Variants in RP1 observed in about 807,000 individuals in gnomAD.
RP1 encodes oxygen-regulated protein 1.
RP1 carries 16 observed loss-of-function variants against 14.8 expected under a neutral mutation model. The observed-to-expected ratio is 1.08, with a 90% CI of 0.73 to 1.65. The LOEUF (loss-of-function observed/expected upper bound fraction) is 1.65, where lower values mean the gene tolerates loss of function less well. Among genes scored for constraint, RP1 ranks in the 40% most tolerant of loss-of-function variants. The pLI, the probability that RP1 is intolerant of heterozygous loss-of-function variation, is 0.00. For synonymous variants in RP1, 876 were observed against 883.6 expected, an observed-to-expected ratio of 0.99 and a Z score of 0.15; for missense variants, 2,631 against 2,535.0, an observed-to-expected ratio of 1.04 and a Z score of -0.81.
intron 1 of RP1, among the ~76,000 whole-genome samples, chr8:54,583,713 C>G (rs1051658526): frequency 3.3e-5 from 5 of 152,166 alleles, no homozygotes; most frequent in Non-Finnish European, 7.3e-5. Flanking sequence ...TCAACTTCTT[C>G]CTGGTTTAGT....
chr8:54,856,918 T>C (rs1368854169), intron 26 of RP1: 2 of 351,984 alleles, frequency 5.7e-6, no homozygotes, highest in Non-Finnish European at 1.0e-5. Flanking sequence ...ATAGTAGTAG[T>C]AAGAATACTA....
intron 24 of RP1, among the ~76,000 whole-genome samples, chr8:54,787,556 G>A (rs1401275070): frequency 1.3e-5 from 2 of 151,998 alleles, no homozygotes; most frequent in Non-Finnish European, 2.9e-5. Context: ...TTATAAACCT[G>A]CCCAGAAATT....
In RP1 at chr8:54,624,805, A is replaced by G. The variant is rs1805981981; in HGVS notation, c.923A>G (p.Gln308Arg). Reference protein sequence around the residue: ...KYLALEKNDSQNLPIYPSEDD... With the variant: ...KYLALEKNDSRNLPIYPSEDD... ...TTGGCCTTAGAAAAGAATGATTCTCAGAATTTACCAATATATCCTTCTGAA... is the reference window on the plus strand; with the variant it reads ...TTGGCCTTAGAAAAGAATGATTCTCGGAATTTACCAATATATCCTTCTGAA... The change falls in exon 4 of 4, where the codon CAG becomes CGG. Residue 308 changes from glutamine (Q) to arginine (R), a missense_variant. Physicochemically the swap from Gln to Arg is conservative, Grantham distance 43. Coordinates refer to ENST00000220676, the MANE Select transcript of RP1 (RefSeq NM_006269.2). 1.2e-6 allele frequency: 2 copies of G among 1,613,932 alleles called. No individual in the cohort carries two copies. The highest frequency in any genetic ancestry group is 2.2e-5 in the East Asian group (1 of 44,876).
chr8:54,774,400 C>A (rs939520120), downstream of RP1, among the ~76,000 whole-genome samples: 2 of 152,130 alleles, frequency 1.3e-5, no homozygotes, highest in African/African-American at 4.8e-5. Flanking sequence ...TAATGAATTC[C>A]AGCAGGGCTA....
chr8:54,732,172 C>G (rs984860784), intron 17 of RP1, among the ~76,000 whole-genome samples: 5 of 152,168 alleles, frequency 3.3e-5, no homozygotes, highest in Admixed American at 3.3e-4. Context: ...GGAATGCTGT[C>G]CCCTCTGTTT....
intron 12 of RP1, among the ~76,000 whole-genome samples, chr8:54,698,912 T>C (rs1351077025): frequency 6.6e-6 from 1 of 151,968 alleles, no homozygotes; most frequent in Non-Finnish European, 1.5e-5. Flanking sequence ...GGGGGAGGGA[T>C]AGCATTAGGA....
At position 54,585,616 on chromosome 8, in the gene RP1, C is replaced by T. The variant is rs569014026; in HGVS notation, c.-13+26296C>T. Among the ~76,000 whole-genome samples the T allele has an allele frequency of 6.6e-4, 100 of 152,302 alleles. 1 individual carries two copies. The highest frequency in any genetic ancestry group is 2.3e-3 in the African/African-American group (94 of 41,564). On this transcript the variant is annotated intron_variant, in intron 1 of 22. Coordinates refer to the RP1 transcript ENST00000636932. Reference sequence around the variant, plus strand: ...TTTTCCAACTTGGTTGCGTTATCCCCGTCACTTTCGGGTACACCAATAAGA... The same window carrying T: ...TTTTCCAACTTGGTTGCGTTATCCCTGTCACTTTCGGGTACACCAATAAGA...
chr8:54,658,969 A>G (rs1806818769), intron 6 of RP1, among the ~76,000 whole-genome samples: 1 of 151,940 alleles, frequency 6.6e-6, no homozygotes, highest in Admixed American at 6.6e-5. Context: ...TTCTGTAATA[A>G]TTAGTGATGT....
chr8:54,783,614 C>T (rs925873847), exon 24 of RP1: 2 of 1,231,382 alleles, frequency 1.6e-6, no homozygotes, highest in Non-Finnish European at 2.0e-6. Flanking sequence ...CAACAGTGTT[C>T]CTTTATGTCT....
At chr8:54,624,622 C>T in intron 3 of RP1, 48 bp from the exon 4 acceptor site, 4 of 1,587,170 alleles carry the variant, frequency 2.5e-6, no homozygotes, top group Non-Finnish European at 3.5e-6. Context: ...CTCTGCCTTC[C>T]ATATTATATT....
chr8:54,733,608 T>C (rs1808844323), intron 17 of RP1, among the ~76,000 whole-genome samples: 1 of 152,146 alleles, frequency 6.6e-6, no homozygotes, highest in South Asian at 2.1e-4. Context: ...CTGCCTATAG[T>C]TTCAAGCTAC....
chr8:54,562,613 G>A (rs1297066588), intron 1 of RP1, among the ~76,000 whole-genome samples: 3 of 151,996 alleles, frequency 2.0e-5, no homozygotes. Flanking sequence ...GGCAGAGGTT[G>A]CAGTGAACCG....
intron 8 of RP1, among the ~76,000 whole-genome samples, chr8:54,678,121 A>G (rs994426318): frequency 6.6e-6 from 1 of 152,168 alleles, no homozygotes; most frequent in Non-Finnish European, 1.5e-5. Flanking sequence ...CATCGAGTAT[A>G]TATTCTTTGG....
At chr8:54,656,791 C>A (rs535176952) in intron 6 of RP1, among the ~76,000 whole-genome samples, 11 of 149,148 alleles carry the variant, frequency 7.4e-5, no homozygotes, top group African/African-American at 2.7e-4. Flanking sequence ...CTGGCCTCTG[C>A]CTTGGGGGAG....
chr8:54,567,612 C>A, intron 1 of RP1, among the ~76,000 whole-genome samples: 1 of 150,360 alleles, frequency 6.7e-6, no homozygotes. Context: ...GAAGCTGGAC[C>A]TCACTTTGTA....
At chr8:54,565,197 A>G (rs1041597061) in intron 1 of RP1, among the ~76,000 whole-genome samples, 1 of 152,160 alleles carries the variant, frequency 6.6e-6, no homozygotes, top group African/African-American at 2.4e-5. Context: ...GAAGTATGCT[A>G]CCTGTGATCT....
chr8:54,702,674 G>A (rs1808054082), intron 14 of RP1, among the ~76,000 whole-genome samples: 1 of 152,090 alleles, frequency 6.6e-6, no homozygotes, highest in Non-Finnish European at 1.5e-5. Context: ...CACAGTGATT[G>A]ACTCATTCTT....
At chr8:54,643,783 G>A (rs1806494230) in intron 3 of RP1, among the ~76,000 whole-genome samples, 1 of 152,060 alleles carries the variant, frequency 6.6e-6, no homozygotes, top group Non-Finnish European at 1.5e-5. Flanking sequence ...CTTGCAGCAG[G>A]GTAGCTGGAA....
Position 54,627,168 on chromosome 8 carries a change from C to G in RP1, c.3286C>G (p.Pro1096Ala), listed in dbSNP as rs867136708. Residue 1096 changes from proline to alanine, a missense_variant, in exon 4 of 4, where the codon CCT becomes GCT. Coordinates refer to ENST00000220676, the MANE Select transcript of RP1 (RefSeq NM_006269.2). The part of the protein sequence containing the change: ...LMLHQLQASV[P>A]GIHKTQNGVV... ...GCTTCACCAATTGCAAGCTTCAGTT[C>G]CTGGTATTCACAAGACTCAGAATGG... 1.2e-6 allele frequency: 2 copies of G among 1,613,922 alleles called. No individual in the cohort carries two copies. Among genetic ancestry groups the G allele is most frequent in the Non-Finnish European group, 1.7e-6 (2 of 1,179,994 alleles).
Sources: allele counts gnomAD v4.1 joint callset (sites outside exome capture counted in the v4.1 genomes callset), GRCh38; gene constraint gnomAD v4.1.1; transcripts MANE v1.5; gene names NCBI Gene and HGNC (gene_info 2026-07-23, HGNC 2026-07-21).